The following LNPEP variants were observed in gnomAD, a reference collection of about 807,000 sequenced individuals.
LNPEP encodes leucyl and cystinyl aminopeptidase, also known as leucyl-cystinyl aminopeptidase.
In LNPEP, 64 loss-of-function variants were observed where a neutral mutation model predicts 120.6. The ratio of observed to expected loss-of-function variants is 0.53; its 90% confidence interval spans 0.43 to 0.65. LNPEP has a LOEUF of 0.65. Among genes scored for constraint, LNPEP ranks in the 30% least tolerant of loss-of-function variants. The probability of loss-of-function intolerance (pLI) is 0.00; values close to 1 mark genes in which losing one functional copy is unlikely to be tolerated. For missense variants in LNPEP, 1,057 were observed against 1,200.0 expected, an observed-to-expected ratio of 0.88 and a Z score of 1.76; for synonymous variants, 435 against 425.4, an observed-to-expected ratio of 1.02 and a Z score of -0.28.
At position 97,035,140 on chromosome 5, in the gene LNPEP, C is replaced by A. The variant is rs983228818; in HGVS notation, c.*6607C>A. 1 of 151,916 alleles carries A rather than the reference C, an allele frequency of 6.6e-6. No homozygotes were observed. The highest frequency in any genetic ancestry group is 2.4e-5 in the African/African-American group (1 of 41,368). The allele number at this position is 151,916 out of a possible 1,614,324, so 9.4% of individuals were successfully genotyped here. A position where few individuals can be genotyped will look rare whatever the true frequency, so the allele number is the denominator to read the frequency against. On this transcript the variant is annotated 3_prime_UTR_variant, in exon 18 of 18. Transcript: ENST00000231368. Reference sequence around the variant, plus strand: ...GCCTACAGGGGCAATAGTTTCATATCTTGGGTTTTTTATTGTTTAATTTTT... The same window carrying A: ...GCCTACAGGGGCAATAGTTTCATATATTGGGTTTTTTATTGTTTAATTTTT...
At chr5:96,985,293 C>A in intron 3 of LNPEP, 75 bp downstream of exon 3, 1 of 1,236,022 alleles carries the variant, frequency 8.1e-7, no homozygotes, top group Non-Finnish European at 1.1e-6. Context: ...TTCCTCTTTG[C>A]CAGACTACAG....
chr5:97,028,969 A>G lies in LNPEP; in HGVS notation c.*436A>G, dbSNP rs532702955. The G allele has an allele frequency of 3.0e-5, 5 of 167,778 alleles. No homozygotes were observed. The South Asian group carries it at 6.5e-4, about 22-fold the overall frequency. The allele number at this position is 167,778 out of a possible 1,614,324, so 10.4% of individuals were successfully genotyped here. On this transcript the variant is annotated 3_prime_UTR_variant, in exon 18 of 18. Coordinates refer to ENST00000231368, the MANE Select transcript of LNPEP (RefSeq NM_005575.3). ...CTTCTTATTGATAGATGGCATTGGA[A>G]TGTGGTACAAAGTTAGCTCTGAAGA... is the stretch of plus-strand genomic sequence containing the variant.
chr5:96,978,388 A>T (rs1172879859), intron 1 of LNPEP, among the ~76,000 whole-genome samples: 4 of 152,186 alleles, frequency 2.6e-5, no homozygotes, highest in African/African-American at 4.8e-5. Flanking sequence ...CCATGGAAGC[A>T]TGAAAAACAG....
At chr5:97,026,803 G>A (rs376412143) in intron 16 of LNPEP, 46 bp downstream of exon 16, 16 of 1,542,808 alleles carry the variant, frequency 1.0e-5, no homozygotes, top group Middle Eastern at 1.7e-4. Flanking sequence ...CTCAAGTTGT[G>A]CATTTGAAAA....
In LNPEP at chr5:97,026,713, G is replaced by T; in HGVS notation, c.2820G>T (p.Leu940=). The T allele has an allele frequency of 6.2e-7, 1 of 1,613,388 alleles. No individual in the cohort carries two copies. The highest frequency in any genetic ancestry group is 2.2e-5 in the East Asian group (1 of 44,858). ...GTCGACATTTTCCTGGACACTTACT[G>T]GCATGGGATTTTGTCAAAGAGAACT... The part of the protein sequence containing the change: ...TVGRHFPGHL[L]AWDFVKENWN... Residue 940 remains leucine (L), a synonymous_variant, in exon 16 of 18, where the codon CTG becomes CTT. Coordinates refer to ENST00000231368, the MANE Select transcript of LNPEP (RefSeq NM_005575.3).
rs1025304375 is a variant in LNPEP, at chr5:97,032,768, C to A, written c.*4235C>A. ...ATTTTGTGGACGTGTAGATAAAACG[C>A]GGTGGTCCAAAAGCATGACAGATGT... On this transcript the variant is annotated 3_prime_UTR_variant, in exon 18 of 18. Coordinates refer to ENST00000231368, the MANE Select transcript of LNPEP (RefSeq NM_005575.3). 5.3e-5 allele frequency: 8 copies of A among 150,576 alleles called. No homozygotes were observed. The highest frequency in any genetic ancestry group is 2.0e-4 in the African/African-American group (8 of 40,848). The allele number at this position is 150,576 out of a possible 1,614,324, so 9.3% of individuals were successfully genotyped here. A position where few individuals can be genotyped will look rare whatever the true frequency, so the allele number is the denominator to read the frequency against.
At chr5:97,011,084 A>G (rs1790913595) in intron 11 of LNPEP, 1 of 985,430 alleles carries the variant, frequency 1.0e-6, no homozygotes, top group Non-Finnish European at 1.2e-6. Context: ...CTGCTTATCA[A>G]CCAAGGTATT....
intron 4 of LNPEP, among the ~76,000 whole-genome samples, chr5:96,992,036 T>A (rs67868400): frequency 5.2e-4 from 20 of 38,440 alleles, no homozygotes; most frequent in Admixed American, 1.4e-3. Flanking sequence ...TAGAAAAAAA[T>A]AAATACTGTT....
intron 1 of LNPEP, among the ~76,000 whole-genome samples, chr5:96,965,724 T>C (rs989375639): frequency 3.3e-5 from 5 of 152,108 alleles, no homozygotes; most frequent in African/African-American, 1.2e-4. Context: ...TCTGAAAATG[T>C]CTTACAGAGA....
chr5:96,970,806 C>G (rs530732979), intron 1 of LNPEP, among the ~76,000 whole-genome samples: 4 of 152,060 alleles, frequency 2.6e-5, no homozygotes, highest in Non-Finnish European at 4.4e-5. Flanking sequence ...TGCTTAATTT[C>G]TCTTACTCAA....
intron 9 of LNPEP, among the ~76,000 whole-genome samples, chr5:97,004,897 G>T (rs1406245102): frequency 6.6e-6 from 1 of 152,118 alleles, no homozygotes; most frequent in African/African-American, 2.4e-5. Context: ...TTGGCATTTA[G>T]AACATATTTC....
Position 96,998,028 on chromosome 5 carries a change from A to G in LNPEP, c.1536A>G (p.Leu512=), listed in dbSNP as rs767449723. ...FKELSSYEDF[L]DARFKTMKKD... is the part of the protein sequence containing the mutation. Reference sequence around the variant, plus strand: ...TTTTTTGACAGTATGAAGATTTCTTAGATGCTCGATTTAAAACCATGAAGA... The same window carrying G: ...TTTTTTGACAGTATGAAGATTTCTTGGATGCTCGATTTAAAACCATGAAGA... Residue 512 remains leucine (L), a synonymous_variant, in exon 8 of 18, where the codon TTA becomes TTG. Transcript: ENST00000231368. 3.2e-6 allele frequency: 5 copies of G among 1,570,660 alleles called. No individual in the cohort carries two copies. The highest frequency in any genetic ancestry group is 4.3e-6 in the Non-Finnish European group (5 of 1,150,314).
chr5:96,944,862 A>T (rs1451459258), intron 1 of LNPEP, among the ~76,000 whole-genome samples: 1 of 151,924 alleles, frequency 6.6e-6, no homozygotes, highest in East Asian at 1.9e-4. Context: ...TGAGCCACAC[A>T]TGTGGCCACA....
intron 1 of LNPEP, among the ~76,000 whole-genome samples, chr5:96,939,381 T>C (rs1428152413): frequency 3.3e-5 from 5 of 151,944 alleles, no homozygotes; most frequent in Non-Finnish European, 7.4e-5. Flanking sequence ...GCCCAAATAA[T>C]TTTTGTATTT....
Position 97,033,993 on chromosome 5 carries a change from T to C in LNPEP, c.*5460T>C, listed in dbSNP as rs1450441474. 1 of 152,114 alleles carries C rather than the reference T, an allele frequency of 6.6e-6. No individual in the cohort carries two copies. Among genetic ancestry groups the C allele is most frequent in the Admixed American group, 6.6e-5 (1 of 15,252 alleles). 9.4% of individuals were successfully genotyped at this position (152,114 alleles called of 1,614,324 possible). On this transcript the variant is annotated 3_prime_UTR_variant, in exon 18 of 18. Transcript: ENST00000231368. The stretch of plus-strand genomic sequence containing the variant: ...GCAGAATATATCCTTTTTAAAAATG[T>C]ATATATACTTTTCATTAACTATATT...
At chr5:96,949,717 A>G (rs1243255570) in intron 1 of LNPEP, among the ~76,000 whole-genome samples, 1 of 152,258 alleles carries the variant, frequency 6.6e-6, no homozygotes, top group Admixed American at 6.5e-5. Context: ...CATTAATTAC[A>G]TATAGCAGAC....
chr5:97,001,073 G>A (rs1253585639), intron 8 of LNPEP, among the ~76,000 whole-genome samples: 3 of 152,204 alleles, frequency 2.0e-5, no homozygotes, highest in Non-Finnish European at 2.9e-5. Flanking sequence ...GAAACGAAAA[G>A]CAATTTGATC....
intron 9 of LNPEP, among the ~76,000 whole-genome samples, chr5:97,004,239 G>A (rs1790724001): frequency 6.6e-6 from 1 of 152,208 alleles, no homozygotes; most frequent in Non-Finnish European, 1.5e-5. Flanking sequence ...ATTTGACTGA[G>A]CGTGGTGGCT....
At chr5:96,983,782 T>C (rs1191491078) in intron 2 of LNPEP, among the ~76,000 whole-genome samples, 1 of 152,178 alleles carries the variant, frequency 6.6e-6, no homozygotes, top group Non-Finnish European at 1.5e-5. Flanking sequence ...TATTCTCAAC[T>C]GTTGTTGGTG....
Sources: allele counts gnomAD v4.1 joint callset (sites outside exome capture counted in the v4.1 genomes callset), GRCh38; gene constraint gnomAD v4.1.1; transcripts MANE v1.5; gene names NCBI Gene and HGNC (gene_info 2026-07-23, HGNC 2026-07-21).